FAM13B: variants seen among roughly 807,000 people sequenced by gnomAD.
FAM13B encodes family with sequence similarity 13 member B.
A neutral mutation model predicts 117.3 loss-of-function variants in FAM13B; 60 were observed. That is an observed-to-expected ratio of 0.51 (90% CI 0.42 to 0.63). The LOEUF (loss-of-function observed/expected upper bound fraction) is 0.63. Ranked by LOEUF, FAM13B falls within the 30% of genes least tolerant of loss-of-function variation. FAM13B has a pLI of 0.00. For synonymous variants in FAM13B, 332 were observed against 356.1 expected (o/e 0.93, Z 0.76); for missense variants, 972 against 1,091.9 (o/e 0.89, Z 1.55).
chr5:138,032,106 A>G (rs1348648926), intron 1 of FAM13B, among the ~76,000 whole-genome samples: 1 of 152,234 alleles, frequency 6.6e-6, no homozygotes, highest in East Asian at 1.9e-4. Flanking sequence ...ACAAACAAAA[A>G]GGGCTTAACA....
chr5:137,954,335 A>T lies in FAM13B; in HGVS notation c.1549T>A (p.Ser517Thr). The change falls in exon 15 of 24, where the codon TCT (serine) becomes ACT (threonine). Residue 517 changes from serine to threonine, a missense_variant. Coordinates refer to ENST00000689681, the MANE Select transcript of FAM13B (RefSeq NM_001385994.1). ...AFKSWQEDSE[S>T]GEAQLSPQAG... ...TGTGGAGACAGCTGAGCTTCTCCAG[A>T]CTCAGAGTCCTCCTGCCAAGACTTA... is the stretch of plus-strand genomic sequence containing the variant. 1 of 1,613,986 alleles carries T rather than the reference A, an allele frequency of 6.2e-7. No homozygotes were observed. The highest frequency in any genetic ancestry group is 8.5e-7 in the Non-Finnish European group (1 of 1,179,974).
chr5:137,943,074 T>C, intron 21 of FAM13B, 36 bp from the exon 22 acceptor site: 1 of 1,612,914 alleles, frequency 6.2e-7, no homozygotes, highest in Non-Finnish European at 8.5e-7. Flanking sequence ...CAAACATGCC[T>C]TGTCTTTGAA....
At chr5:138,009,329 T>C (rs1011374576) in intron 6 of FAM13B, among the ~76,000 whole-genome samples, 6 of 152,164 alleles carry the variant, frequency 3.9e-5, no homozygotes, top group African/African-American at 1.4e-4. Flanking sequence ...AGAGGTAAGA[T>C]TTCAACACAA....
intron 10 of FAM13B, among the ~76,000 whole-genome samples, chr5:137,971,767 T>A (rs934477259): frequency 4.7e-5 from 7 of 148,224 alleles, no homozygotes; most frequent in Admixed American, 1.3e-4. Context: ...CAATAAAAAA[T>A]GATAAAGGGG....
At chr5:137,941,847 G>A in intron 23 of FAM13B, 97 bp downstream of exon 23, 1 of 1,027,352 alleles carries the variant, frequency 9.7e-7, no homozygotes, top group Middle Eastern at 2.8e-4. Flanking sequence ...CATCCTATAT[G>A]CACAATTTCT....
intron 13 of FAM13B, among the ~76,000 whole-genome samples, chr5:137,958,380 G>A (rs538467175): frequency 2.0e-5 from 3 of 152,166 alleles, no homozygotes; most frequent in Admixed American, 1.3e-4. Flanking sequence ...GGGTGGGGAG[G>A]AGATGGCAAT....
intron 10 of FAM13B, among the ~76,000 whole-genome samples, chr5:137,973,861 C>T (rs571586913): frequency 0.03 from 4,324 of 142,146 alleles, 94 homozygotes; most frequent in Middle Eastern, 0.056. Context: ...AAAATGCTCA[C>T]CATCACTGGC....
chr5:138,036,441 G>A (rs999240759), upstream of FAM13B: 5 of 456,490 alleles, frequency 1.1e-5, no homozygotes, highest in African/African-American at 1.0e-4. Context: ...CAAAACAGCC[G>A]CCAGCCTGTG....
intron 10 of FAM13B, among the ~76,000 whole-genome samples, chr5:137,981,148 G>A (rs1377008877): frequency 1.4e-5 from 2 of 144,532 alleles, no homozygotes; most frequent in African/African-American, 2.6e-5. Flanking sequence ...ACATTGCACA[G>A]GCAGGTTTCA....
chr5:137,950,441 A>C (rs1460570743), intron 17 of FAM13B, among the ~76,000 whole-genome samples: 1 of 152,216 alleles, frequency 6.6e-6, no homozygotes, highest in African/African-American at 2.4e-5. Flanking sequence ...GGCCAAGGGC[A>C]GACTGTGCAA....
intron 1 of FAM13B, among the ~76,000 whole-genome samples, chr5:138,029,625 C>T (rs1038109623): frequency 6.6e-6 from 1 of 152,186 alleles, no homozygotes; most frequent in Non-Finnish European, 1.5e-5. Flanking sequence ...TCCAACGTGA[C>T]CAGTGTTTGC....
At chr5:138,006,926 T>C in intron 7 of FAM13B, 64 bp downstream of exon 7, 3 of 1,431,622 alleles carry the variant, frequency 2.1e-6, no homozygotes, top group Non-Finnish European at 2.8e-6. Flanking sequence ...TTCTGAATGC[T>C]GGAGTGAGTT....
chr5:137,969,172 A>T (rs986500445), intron 10 of FAM13B, among the ~76,000 whole-genome samples: 4 of 152,232 alleles, frequency 2.6e-5, no homozygotes, highest in Admixed American at 6.5e-5. Context: ...ACAGACAAAC[A>T]AAAAGACAGC....
In FAM13B at chr5:138,011,883, C is replaced by T. The variant is rs759361039; in HGVS notation, c.433G>A (p.Val145Ile). The T allele has an allele frequency of 1.2e-6, 2 of 1,602,418 alleles. No homozygotes were observed. The highest frequency in any genetic ancestry group is 1.4e-5 in the African/African-American group (1 of 73,940). ...LRFLLQQLPP[V>I]NYSLLKFLCR... is the part of the protein sequence containing the mutation. ...AGAAACTTTAACAAACTATAATTAACAGGTGGAAGCTGTTGCAAGAGGAAC... is the reference window on the plus strand; with the variant it reads ...AGAAACTTTAACAAACTATAATTAATAGGTGGAAGCTGTTGCAAGAGGAAC... The change falls in exon 5 of 24, where the codon GTT (valine) becomes ATT (isoleucine). Residue 145 changes from valine to isoleucine, a missense_variant. Physicochemically the swap from Val to Ile is conservative, Grantham distance 29. Coordinates refer to ENST00000689681, the MANE Select transcript of FAM13B (RefSeq NM_001385994.1).
rs115197007 is a variant in FAM13B at position 137,963,751 on chromosome 5, G to A, written c.1180-1282C>T. ...GTGAGCACTATGGCATGAGCTCCGCGCCTCCAGTCATATGAGTGCTGGCAT... is the reference window on the plus strand; with the variant it reads ...GTGAGCACTATGGCATGAGCTCCGCACCTCCAGTCATATGAGTGCTGGCAT... On this transcript the variant is annotated intron_variant, in intron 10 of 23. Coordinates refer to ENST00000689681, the MANE Select transcript of FAM13B (RefSeq NM_001385994.1). 4.1e-3 allele frequency among the ~76,000 whole-genome samples: 623 copies of A among 152,294 alleles called. 5 individuals are homozygous for A. Among genetic ancestry groups the A allele is most frequent in the African/African-American group, 0.014 (574 of 41,558 alleles).
At chr5:137,949,502 G>T (rs1434846603) in intron 17 of FAM13B, among the ~76,000 whole-genome samples, 1 of 152,150 alleles carries the variant, frequency 6.6e-6, no homozygotes, top group Non-Finnish European at 1.5e-5. Context: ...AGCCAAGGCT[G>T]GGTGTGGTGG....
intron 23 of FAM13B, among the ~76,000 whole-genome samples, chr5:137,940,637 C>G (rs1761427994): frequency 6.6e-6 from 1 of 152,212 alleles, no homozygotes; most frequent in Non-Finnish European, 1.5e-5. Context: ...CAGTGCTAGA[C>G]TCTGCCAGGT....
chr5:138,011,018 A>C lies in FAM13B; in HGVS notation c.680T>G (p.Ile227Ser). 6.3e-7 allele frequency: 1 copy of C among 1,597,466 alleles called. No individual in the cohort carries two copies. Among genetic ancestry groups the C allele is most frequent in the Non-Finnish European group, 8.5e-7 (1 of 1,176,490 alleles). The change falls in exon 6 of 24, where the codon ATT becomes AGT. Residue 227 changes from isoleucine (I) to serine (S), a missense_variant. Transcript: ENST00000689681. Reference protein sequence around the residue: ...EDFSSNDLSSITEQVNELSEE... With the variant: ...EDFSSNDLSSSTEQVNELSEE... ...ATAGAATATTCTCACCTGTTCAGTAATTGAACTCAAATCATTAGATGAAAA... is the reference window on the plus strand; with the variant it reads ...ATAGAATATTCTCACCTGTTCAGTACTTGAACTCAAATCATTAGATGAAAA...
At chr5:137,993,143 T>C (rs976413221) in intron 7 of FAM13B, among the ~76,000 whole-genome samples, 30 of 152,142 alleles carry the variant, frequency 2.0e-4, no homozygotes, top group African/African-American at 7.0e-4. Context: ...CTCTAAAACA[T>C]ACAAGGAAGT....
Sources: gnomAD v4.1 joint callset for allele counts (sites outside exome capture counted in the v4.1 genomes callset) on GRCh38, gnomAD v4.1.1 for gene constraint, MANE v1.5 for transcripts, NCBI Gene and HGNC (gene_info 2026-07-23, HGNC 2026-07-21) for gene names.